Variants in TRAPPC6A observed in about 807,000 individuals in gnomAD.
TRAPPC6A encodes TRAPP complex subunit 6A.
TRAPPC6A carries 25 observed loss-of-function variants against 20.8 expected under a neutral mutation model. That is an observed-to-expected ratio of 1.20 (90% CI 0.88 to 1.68). The LOEUF is 1.68. Among genes scored for constraint, TRAPPC6A ranks in the 40% most tolerant of loss-of-function variants. The probability of loss-of-function intolerance (pLI) is 0.00; values close to 1 mark genes in which losing one functional copy is unlikely to be tolerated. For synonymous variants in TRAPPC6A, 96 were observed against 93.3 expected (o/e 1.03, Z -0.16); for missense variants, 215 against 211.6 (o/e 1.02, Z -0.10).
At chr19:45,165,042 G>A in intron 2 of TRAPPC6A, 72 bp from the exon 3 acceptor site, 1 of 1,608,606 alleles carries the variant, frequency 6.2e-7, no homozygotes, top group East Asian at 2.2e-5. Context: ...CCCGACTCCT[G>A]CATGGAGCAA....
rs144599268 is a variant in TRAPPC6A at position 45,165,163 on chromosome 19, C to A, written c.116G>T (p.Gly39Val). ...GQKMSLSVLE[G>V]MGFRVGQALG... is the part of the protein sequence containing the mutation. ...AGCCTGGCCCACACGGAACCCCATA[C>A]CCTCCAGGACCGACAGGCTCATCTT... The change falls in exon 2 of 6, where the codon GGT (glycine) becomes GTT (valine). Residue 39 changes from glycine (G) to valine (V), a missense_variant. Coordinates refer to ENST00000585934, the MANE Select transcript of TRAPPC6A (RefSeq NM_001270891.2). 116 of 1,609,034 alleles carry A rather than the reference C, an allele frequency of 7.2e-5. No individual in the cohort carries two copies. In the African/African-American group the frequency reaches 1.5e-3, roughly 20 times the overall value.
intron 1 of TRAPPC6A, among the ~76,000 whole-genome samples, chr19:45,165,987 C>T (rs573214262): frequency 6.6e-6 from 1 of 152,088 alleles, no homozygotes; most frequent in Non-Finnish European, 1.5e-5. Flanking sequence ...CTCTGACTCA[C>T]TGCAACCTCC....
Position 45,164,203 on chromosome 19 carries a change from CG to C in TRAPPC6A, c.314del (p.Pro105ArgfsTer51), listed in dbSNP as rs750410988. On this transcript the variant is annotated frameshift_variant, in exon 4 of 6. Coordinates refer to ENST00000585934, the MANE Select transcript of TRAPPC6A (RefSeq NM_001270891.2). LOFTEE classifies it high-confidence loss of function. Reference sequence around the variant, plus strand: ...CCAGATACTGCAGGCCAGAGGCCATCGGGAGGAGGAGGGGGAAGCTGTTGTC... The same window carrying C: ...CCAGATACTGCAGGCCAGAGGCCATCGGAGGAGGAGGGGGAAGCTGTTGTC... ...LQDNSFPLLL[P>X]MASGLQYLEE... is the part of the protein sequence containing the mutation. 1.2e-6 allele frequency: 2 copies of C among 1,609,656 alleles called. No individual in the cohort carries two copies. Among genetic ancestry groups the C allele is most frequent in the Non-Finnish European group, 1.7e-6 (2 of 1,177,938 alleles).
At chr19:45,164,708 C>G (rs759531005) in intron 3 of TRAPPC6A, 145 bp downstream of exon 3, 8 of 752,912 alleles carry the variant, frequency 1.1e-5, no homozygotes, top group Admixed American at 7.9e-5. Flanking sequence ...CTTAGAGGAT[C>G]AGACAGAGCA....
Position 45,178,143 on chromosome 19 carries a change from CG to C in TRAPPC6A, c.75del (p.Gly26AlafsTer7). 5 of 1,613,224 alleles carry C rather than the reference CG, an allele frequency of 3.1e-6. No individual in the cohort carries two copies. The highest frequency in any genetic ancestry group is 4.2e-6 in the Non-Finnish European group (5 of 1,179,424). ...VAELWAHDPD[P>X]GPGGQKMSLS... ...CGGAGCCCGGCGCTCACCCCCGGGCCGGGGTCGGGGTCGTGAGCCCACAGCT... is the reference window on the plus strand; with the variant it reads ...CGGAGCCCGGCGCTCACCCCCGGGCCGGGTCGGGGTCGTGAGCCCACAGCT... On this transcript the variant is annotated frameshift_variant, in exon 1 of 6. Transcript: ENST00000585934. LOFTEE classifies it high-confidence loss of function.
Position 45,163,695 on chromosome 19 carries a change from A to G in TRAPPC6A, c.448+221T>C, listed in dbSNP as rs1019997783. On this transcript the variant is annotated intron_variant, in intron 5 of 5. Coordinates refer to ENST00000585934, the MANE Select transcript of TRAPPC6A (RefSeq NM_001270891.2). The surrounding 1 kb of genome is among the most constrained non-coding windows in gnomAD (Gnocchi z 5.3). ...TTCTATTGCGTCCACCTCGGCTCCC[A>G]TGCTGGGAAACGATGTTCAAAACCG... is the stretch of plus-strand genomic sequence containing the variant. Among the ~76,000 whole-genome samples, 1 of 152,136 alleles carries G rather than the reference A, an allele frequency of 6.6e-6. No homozygotes were observed. The highest frequency in any genetic ancestry group is 2.4e-5 in the African/African-American group (1 of 41,434).
chr19:45,166,293 G>A lies in TRAPPC6A; in HGVS notation c.85-1099C>T, dbSNP rs140084667. ...GCAATGCTGGCTCACTGCAACCTCC[G>A]CCTCCCGGGTTCAAACAATTCTCCT... is the stretch of plus-strand genomic sequence containing the variant. On this transcript the variant is annotated intron_variant, in intron 1 of 5. Coordinates refer to ENST00000585934, the MANE Select transcript of TRAPPC6A (RefSeq NM_001270891.2). Among the ~76,000 whole-genome samples, 21 of 151,638 alleles carry A rather than the reference G, an allele frequency of 1.4e-4. No homozygotes were observed. In the East Asian group the frequency reaches 3.1e-3, roughly 23 times the overall value.
chr19:45,177,387 CTGGAGTGCAATGGCACAA>C (rs1447660370), intron 1 of TRAPPC6A, among the ~76,000 whole-genome samples: 2 of 152,046 alleles, frequency 1.3e-5, no homozygotes, highest in East Asian at 1.9e-4. Context: ...GTCGCCTAGG[CTGGAGTGCAATGGCACAA>C]TCTTGGCTCA....
rs1969300889 is a variant in TRAPPC6A at position 45,173,189 on chromosome 19, TCTGAGGTAGAAAAGCCA to T, written c.84+4929_84+4945del. Among the ~76,000 whole-genome samples the T allele has an allele frequency of 6.6e-6, 1 of 151,628 alleles. No individual in the cohort carries two copies. Among genetic ancestry groups the T allele is most frequent in the Non-Finnish European group, 1.5e-5 (1 of 67,964 alleles). On this transcript the variant is annotated intron_variant, in intron 1 of 5. Transcript: ENST00000585934. The surrounding 1 kb of genome is among the most constrained non-coding windows in gnomAD (Gnocchi z 4.8). ...AAAGGCTTCCCTTGTCTTCAAAGCCTCTGAGGTAGAAAAGCCACGGCTGCTTCCTCCAAGGGCTTCTC... is the reference window on the plus strand; with the variant it reads ...AAAGGCTTCCCTTGTCTTCAAAGCCTCGGCTGCTTCCTCCAAGGGCTTCTC...
chr19:45,169,068 C>T (rs988737522), intron 1 of TRAPPC6A, among the ~76,000 whole-genome samples: 27 of 152,314 alleles, frequency 1.8e-4, no homozygotes, highest in African/African-American at 6.3e-4. Flanking sequence ...CAGGGCCGGC[C>T]ACACAGCAGA....
intron 1 of TRAPPC6A, among the ~76,000 whole-genome samples, chr19:45,167,578 G>T (rs1969182637): frequency 6.6e-6 from 1 of 152,206 alleles, no homozygotes. Context: ...TGCCTCCCGG[G>T]TTCAAGTGAA....
intron 1 of TRAPPC6A, among the ~76,000 whole-genome samples, chr19:45,166,561 A>G (rs1568463381): frequency 1.4e-5 from 2 of 146,412 alleles, no homozygotes; most frequent in Non-Finnish European, 3.0e-5. Flanking sequence ...CAAGCAGAGG[A>G]AGGGAGGAGG....
rs186877998 is a variant in TRAPPC6A, at chr19:45,163,846, T to A, written c.448+70A>T. The A allele has an allele frequency of 1.5e-5, 20 of 1,362,528 alleles. No individual in the cohort carries two copies. In the East Asian group the frequency reaches 4.8e-4, roughly 33 times the overall value. The allele number at this position is 1,362,528 out of a possible 1,614,324, so 84.4% of individuals were successfully genotyped here. On this transcript the variant is annotated intron_variant, in intron 5 of 5. Transcript: ENST00000585934. The surrounding 1 kb of genome is among the most constrained non-coding windows in gnomAD (Gnocchi z 5.3). ...TGCCTCCCAGGCACACACACAGGAG[T>A]GGGGCTGGAACTCTGAAGCCCCCAG... is the stretch of plus-strand genomic sequence containing the variant.
Position 45,162,987 on chromosome 19 carries a change from G to GATA in TRAPPC6A, c.*204_*205insTAT. The GATA allele has an allele frequency of 2.2e-6, 1 of 444,856 alleles. No individual in the cohort carries two copies. Among genetic ancestry groups the GATA allele is most frequent in the South Asian group, 4.8e-5 (1 of 20,772 alleles). 27.6% of individuals were successfully genotyped at this position (444,856 alleles called of 1,614,324 possible). A position where few individuals can be genotyped will look rare whatever the true frequency, so the allele number is the denominator to read the frequency against. On this transcript the variant is annotated 3_prime_UTR_variant, in exon 6 of 6. Coordinates refer to ENST00000585934, the MANE Select transcript of TRAPPC6A (RefSeq NM_001270891.2). Reference sequence around the variant, plus strand: ...TACTGGGCAGTGACGCTGCCGAGGCGGGAATCCCACCACAGTCCTGACCGC... The same window carrying GATA: ...TACTGGGCAGTGACGCTGCCGAGGCGATAGGAATCCCACCACAGTCCTGACCGC...
chr19:45,171,671 G>GA (rs1461638689), intron 1 of TRAPPC6A, among the ~76,000 whole-genome samples: 1 of 152,222 alleles, frequency 6.6e-6, no homozygotes, highest in Non-Finnish European at 1.5e-5. Context: ...AAAAATGAGA[G>GA]AAAAGCTACA....
rs143457519 is a variant in TRAPPC6A at position 45,167,363 on chromosome 19, A to G, written c.85-2169T>C. Among the ~76,000 whole-genome samples the G allele has an allele frequency of 5.9e-5, 9 of 152,384 alleles. No individual in the cohort carries two copies. The East Asian group carries it at 1.5e-3, about 26-fold the overall frequency. On this transcript the variant is annotated intron_variant, in intron 1 of 5. Transcript: ENST00000585934. ...AGTTCCAATGCCATATTTCTGGTAC[A>G]AACACATCACCAAACTTCTAAATAA... is the stretch of plus-strand genomic sequence containing the variant.
chr19:45,163,827 C>T lies in TRAPPC6A; in HGVS notation c.448+89G>A. 2.5e-6 allele frequency: 3 copies of T among 1,213,294 alleles called. No homozygotes were observed. The highest frequency in any genetic ancestry group is 1.4e-5 in the South Asian group (1 of 71,188). 75.2% of individuals were successfully genotyped at this position (1,213,294 alleles called of 1,614,324 possible). On this transcript the variant is annotated intron_variant, in intron 5 of 5. Coordinates refer to ENST00000585934, the MANE Select transcript of TRAPPC6A (RefSeq NM_001270891.2). The surrounding 1 kb of genome is among the most constrained non-coding windows in gnomAD (Gnocchi z 5.3). ...GGTGACTTAAAACTGGGCCTGCCTC[C>T]CAGGCACACACACAGGAGTGGGGCT...
At chr19:45,168,507 C>A (rs1041811302) in intron 1 of TRAPPC6A, among the ~76,000 whole-genome samples, 1 of 152,156 alleles carries the variant, frequency 6.6e-6, no homozygotes, top group African/African-American at 2.4e-5. Flanking sequence ...CGGGAGCTCA[C>A]CCAGCGGACA....
rs1969296718 is a variant in TRAPPC6A at position 45,172,991 on chromosome 19, C to T, written c.84+5144G>A. Among the ~76,000 whole-genome samples the T allele has an allele frequency of 6.6e-6, 1 of 151,460 alleles. No individual in the cohort carries two copies. Among genetic ancestry groups the T allele is most frequent in the Non-Finnish European group, 1.5e-5 (1 of 67,996 alleles). On this transcript the variant is annotated intron_variant, in intron 1 of 5. Transcript: ENST00000585934. The surrounding 1 kb of genome is among the most constrained non-coding windows in gnomAD (Gnocchi z 4.2). ...GGACCTATCTGACAGCCGCTCCGCC[C>T]GCCCCACACCCTCCTCAGATAAGGG...
Sources: gnomAD v4.1 joint callset for allele counts (sites outside exome capture counted in the v4.1 genomes callset) on GRCh38, gnomAD v4.1.1 for gene constraint, Gnocchi (gnomAD v3.1) non-coding constraint, MANE v1.5 for transcripts, NCBI Gene and HGNC (gene_info 2026-07-23, HGNC 2026-07-21) for gene names.